TFEC: variants seen among roughly 807,000 people sequenced by gnomAD.
TFEC encodes the protein transcription factor EC.
In TFEC, 31 loss-of-function variants were observed where a neutral mutation model predicts 41.6. The observed-to-expected ratio is 0.74, with a 90% CI of 0.56 to 1.01. TFEC has a LOEUF of 1.01. TFEC is among the 50% of genes least tolerant of loss of function. The probability of loss-of-function intolerance (pLI) is 0.00; values close to 1 mark genes in which losing one functional copy is unlikely to be tolerated. For missense variants in TFEC, 402 were observed against 404.1 expected (o/e 0.99, Z 0.04); for synonymous variants, 143 against 140.6 (o/e 1.02, Z -0.12).
intron 1 of TFEC, among the ~76,000 whole-genome samples, chr7:116,136,968 T>C (rs188791585): frequency 2.0e-5 from 3 of 152,230 alleles, no homozygotes; most frequent in East Asian, 1.9e-4. Context: ...AATGGCAAAC[T>C]GGAATGTGTA....
chr7:115,976,080 T>A (rs1179769089), intron 2 of TFEC, among the ~76,000 whole-genome samples: 1 of 152,148 alleles, frequency 6.6e-6, no homozygotes, highest in Non-Finnish European at 1.5e-5. Context: ...TGAAATGTGG[T>A]TAGTGTAACT....
intron 2 of TFEC, 95 bp from the exon 3 acceptor site, chr7:115,974,351 A>G (rs966934973): frequency 1.5e-5 from 12 of 804,466 alleles, no homozygotes; most frequent in Non-Finnish European, 1.9e-5. Flanking sequence ...AATCTTTAAA[A>G]GTTTTTAGAC....
rs116702093 is a variant in TFEC, at chr7:116,146,252, C to G, written c.-69+13538G>C. ...TACTGCTTGCCAATCCCTGACAAAA[C>G]AGAGTTCTAGACTCAGTAAGTTTCC... On this transcript the variant is annotated intron_variant, in intron 1 of 8. Coordinates refer to the TFEC transcript ENST00000484212. Among the ~76,000 whole-genome samples the G allele has an allele frequency of 6.7e-3, 1,021 of 152,282 alleles. 18 individuals carry two copies. The highest frequency in any genetic ancestry group is 0.024 in the African/African-American group (982 of 41,562).
At chr7:116,079,718 A>G (rs1261029311) in intron 3 of TFEC, among the ~76,000 whole-genome samples, 1 of 152,156 alleles carries the variant, frequency 6.6e-6, no homozygotes, top group African/African-American at 2.4e-5. Context: ...AGATGCATGA[A>G]TGGGTAGAAT....
At chr7:116,069,954 A>C (rs1188419527) in intron 3 of TFEC, among the ~76,000 whole-genome samples, 1 of 151,630 alleles carries the variant, frequency 6.6e-6, no homozygotes, top group East Asian at 1.9e-4. Flanking sequence ...TTAAAACAAT[A>C]TGAACATATA....
chr7:116,150,577 A>G (rs1056385495), intron 1 of TFEC, among the ~76,000 whole-genome samples: 5 of 151,968 alleles, frequency 3.3e-5, no homozygotes, highest in African/African-American at 9.7e-5. Flanking sequence ...CCACAGTCAC[A>G]CGGTTATATA....
intron 1 of TFEC, among the ~76,000 whole-genome samples, chr7:116,002,491 T>C (rs554770837): frequency 6.6e-6 from 1 of 152,296 alleles, no homozygotes; most frequent in Admixed American, 6.5e-5. Flanking sequence ...ATTGAACTCA[T>C]TGAGCTATGT....
rs578223211 is a variant in TFEC at position 116,045,954 on chromosome 7, G to A, written c.199-61441C>T. Among the ~76,000 whole-genome samples the A allele has an allele frequency of 5.3e-5, 8 of 152,280 alleles. No homozygotes were observed. The South Asian group carries it at 1.7e-3, about 32-fold the overall frequency. On this transcript the variant is annotated intron_variant, in intron 3 of 8. Transcript: ENST00000484212. The stretch of plus-strand genomic sequence containing the variant: ...AACTTTTTAATTTGACTGCTCCATT[G>A]GATTTTTGACTTGGATGGGCCCTGT...
chr7:115,970,643 G>A (rs1014175137), intron 3 of TFEC, among the ~76,000 whole-genome samples: 2 of 151,990 alleles, frequency 1.3e-5, no homozygotes, highest in African/African-American at 4.8e-5. Flanking sequence ...ATTTAGAGAA[G>A]AAAAGTCCTT....
chr7:116,147,836 GTACT>G (rs1798675121), intron 1 of TFEC, among the ~76,000 whole-genome samples: 1 of 152,100 alleles, frequency 6.6e-6, no homozygotes, highest in African/African-American at 2.4e-5. Flanking sequence ...AATATATTAT[GTACT>G]TACTATGTGT....
intron 1 of TFEC, among the ~76,000 whole-genome samples, chr7:116,117,189 C>G (rs946703208): frequency 1.3e-5 from 2 of 151,768 alleles, no homozygotes; most frequent in African/African-American, 2.4e-5. Flanking sequence ...CTCATTTAAT[C>G]TGCTTGACTA....
At chr7:116,080,484 CAAA>C (rs773525948) in intron 3 of TFEC, among the ~76,000 whole-genome samples, 1 of 151,288 alleles carries the variant, frequency 6.6e-6, no homozygotes, top group African/African-American at 2.4e-5. Context: ...GAAGAAAAAA[CAAA>C]AAACAACAAC....
chr7:115,943,266 G>C (rs1793598556), intron 6 of TFEC, among the ~76,000 whole-genome samples: 1 of 151,838 alleles, frequency 6.6e-6, no homozygotes, highest in Non-Finnish European at 1.5e-5. Flanking sequence ...GGGAAGGGTG[G>C]GGAGAGACAG....
At chr7:115,953,442 C>T (rs1792054326) in intron 5 of TFEC, among the ~76,000 whole-genome samples, 1 of 151,992 alleles carries the variant, frequency 6.6e-6, no homozygotes, top group Non-Finnish European at 1.5e-5. Context: ...GATGATGTAG[C>T]AGGTGTATCT....
At chr7:116,150,250 C>A (rs765402696) in intron 1 of TFEC, among the ~76,000 whole-genome samples, 3 of 152,098 alleles carry the variant, frequency 2.0e-5, no homozygotes, top group Non-Finnish European at 4.4e-5. Flanking sequence ...AATCAGAAGG[C>A]CTTACTTCTG....
At chr7:116,136,096 A>G (rs1020898871) in intron 1 of TFEC, among the ~76,000 whole-genome samples, 6 of 152,026 alleles carry the variant, frequency 3.9e-5, no homozygotes, top group Admixed American at 6.6e-5. Flanking sequence ...ATGTTTCTCT[A>G]TATCACCAAG....
intron 1 of TFEC, among the ~76,000 whole-genome samples, chr7:115,988,409 C>T (rs925694757): frequency 6.6e-6 from 1 of 151,776 alleles, no homozygotes; most frequent in African/African-American, 2.4e-5. Context: ...AAATCAAAAA[C>T]ACTGTAGAGA....
intron 1 of TFEC, among the ~76,000 whole-genome samples, chr7:116,152,406 A>T (rs1443073993): frequency 6.6e-6 from 1 of 152,218 alleles, no homozygotes; most frequent in Non-Finnish European, 1.5e-5. Context: ...TTTGCAGGGC[A>T]GAGTTTACCA....
chr7:116,058,589 C>T (rs1243886191), intron 3 of TFEC, among the ~76,000 whole-genome samples: 1 of 151,634 alleles, frequency 6.6e-6, no homozygotes, highest in Admixed American at 6.6e-5. Flanking sequence ...AACAAATATA[C>T]ACTGTTTTCA....
Sources: gnomAD v4.1 joint callset for allele counts (sites outside exome capture counted in the v4.1 genomes callset) on GRCh38, gnomAD v4.1.1 for gene constraint, MANE v1.5 for transcripts, NCBI Gene and HGNC (gene_info 2026-07-23, HGNC 2026-07-21) for gene names.